Variants in RTBDN observed in about 807,000 individuals in gnomAD.
RTBDN encodes the protein retbindin.
In RTBDN, 24 loss-of-function variants were observed where a neutral mutation model predicts 21.9. That is an observed-to-expected ratio of 1.10 (90% CI 0.79 to 1.54). The LOEUF is 1.54. RTBDN is among the 40% of genes most tolerant of loss of function. RTBDN has a pLI of 0.00. For missense variants in RTBDN, 325 were observed against 315.2 expected (o/e 1.03, Z -0.23); for synonymous variants, 141 against 125.9 (o/e 1.12, Z -0.80).
chr19:12,834,412 T>C lies in RTBDN; in HGVS notation c.-19+77A>G. On this transcript the variant is annotated intron_variant, in intron 1 of 5. Coordinates refer to ENST00000674343, the MANE Select transcript of RTBDN (RefSeq NM_001270441.2). This position sits in a 1 kb window ranked among gnomAD's most constrained non-coding sequence, Gnocchi z 4.7. Reference sequence around the variant, plus strand: ...CGGCGCCGCTGGAGGCGTAAACATGTTTGTGCGGCAACCTCGCCCCTCACC... The same window carrying C: ...CGGCGCCGCTGGAGGCGTAAACATGCTTGTGCGGCAACCTCGCCCCTCACC... 8.6e-7 allele frequency: 1 copy of C among 1,163,520 alleles called. No homozygotes were observed. 72.1% of individuals were successfully genotyped at this position (1,163,520 alleles called of 1,614,324 possible).
intron 4 of RTBDN, among the ~76,000 whole-genome samples, chr19:12,828,371 A>G (rs1568396868): frequency 6.6e-6 from 1 of 151,768 alleles, no homozygotes; most frequent in South Asian, 2.1e-4. Context: ...ACTCCAGCCT[A>G]GGTGACACAG....
chr19:12,834,596 C>G (rs1319205546), upstream of RTBDN: 4 of 1,515,630 alleles, frequency 2.6e-6, no homozygotes, highest in African/African-American at 5.5e-5. This position sits in a 1 kb window ranked among gnomAD's most constrained non-coding sequence, Gnocchi z 4.7. Context: ...CCCCCCACCG[C>G]GATCCTCAAG....
chr19:12,834,811 C>T, upstream of RTBDN: 1 of 1,614,212 alleles, frequency 6.2e-7, no homozygotes, highest in South Asian at 1.1e-5. The surrounding 1 kb of genome is among the most constrained non-coding windows in gnomAD (Gnocchi z 4.7). Context: ...GATTCTGTAG[C>T]CGAGAAGCGT....
In RTBDN at chr19:12,830,557, C is replaced by T. The variant is rs572681262; in HGVS notation, c.-18-560G>A. ...AAAGCCCCGAGGCAGGGACAGCTAG[C>T]GGTCTGTGGAGACAAGACTGTCCCC... On this transcript the variant is annotated intron_variant, in intron 1 of 5. Transcript: ENST00000674343. This position sits in a 1 kb window ranked among gnomAD's most constrained non-coding sequence, Gnocchi z 4.2. The T allele has an allele frequency of 3.0e-6, 3 of 984,342 alleles. No homozygotes were observed. The highest frequency in any genetic ancestry group is 1.7e-5 in the African/African-American group (1 of 57,326). The allele number at this position is 984,342 out of a possible 1,614,324, so 61.0% of individuals were successfully genotyped here.
intron 5 of RTBDN, chr19:12,826,510 A>G (rs1400846406): frequency 1.2e-6 from 1 of 824,454 alleles, no homozygotes; most frequent in East Asian, 4.7e-5. Context: ...CCTGGCCAAC[A>G]TGGTGAAACG....
At chr19:12,831,062 G>A (rs1255236451) in intron 1 of RTBDN, among the ~76,000 whole-genome samples, 8 of 144,666 alleles carry the variant, frequency 5.5e-5, no homozygotes, top group Non-Finnish European at 9.1e-5. Flanking sequence ...GTGTGTATAC[G>A]TTCAGAATCT....
Position 12,825,950 on chromosome 19 carries a change from T to C in RTBDN, c.463-17A>G. On this transcript the variant is annotated splice_polypyrimidine_tract_variant and intron_variant, in intron 5 of 5. Coordinates refer to ENST00000674343, the MANE Select transcript of RTBDN (RefSeq NM_001270441.2). ...TGCGAAGGTCTAGGAAAAAGTGGAG[T>C]TAAGGCCCTAGTGGGCGGAGTCCAG... 6.4e-7 allele frequency: 1 copy of C among 1,556,548 alleles called. No individual in the cohort carries two copies. Among genetic ancestry groups the C allele is most frequent in the Non-Finnish European group, 8.7e-7 (1 of 1,147,922 alleles).
At chr19:12,826,031 G>T in intron 5 of RTBDN, 98 bp from the exon 6 acceptor site, 1 of 1,440,742 alleles carries the variant, frequency 6.9e-7, no homozygotes, top group Non-Finnish European at 9.1e-7. Context: ...CTTAGGGATT[G>T]GGGTCAGAGC....
upstream of RTBDN, chr19:12,834,869 C>T (rs755090310): frequency 6.2e-7 from 1 of 1,613,720 alleles, no homozygotes; most frequent in Non-Finnish European, 8.5e-7. The surrounding 1 kb of genome is among the most constrained non-coding windows in gnomAD (Gnocchi z 4.7). Flanking sequence ...TACGGAAGTT[C>T]AGGGTTAATA....
chr19:12,832,167 GT>G (rs918410145), intron 1 of RTBDN, among the ~76,000 whole-genome samples: 2 of 152,184 alleles, frequency 1.3e-5, no homozygotes, highest in African/African-American at 4.8e-5. Flanking sequence ...TCGAATAAAT[GT>G]TTGTGTGTCT....
chr19:12,833,040 A>C (rs1274031637), intron 1 of RTBDN: 1 of 152,190 alleles, frequency 6.6e-6, no homozygotes, highest in Non-Finnish European at 1.5e-5. Flanking sequence ...CCCCTCTCCA[A>C]CTACCAGCTA....
chr19:12,828,578 G>A (rs1313837204), intron 4 of RTBDN, 79 bp downstream of exon 4: 4 of 1,117,174 alleles, frequency 3.6e-6, no homozygotes, highest in Non-Finnish European at 5.1e-6. Context: ...CCTTTACACA[G>A]AAGGCCAAGC....
upstream of RTBDN, chr19:12,834,785 C>T (rs141214276): frequency 8.9e-5 from 144 of 1,614,204 alleles, no homozygotes; most frequent in Middle Eastern, 3.3e-4. The surrounding 1 kb of genome is among the most constrained non-coding windows in gnomAD (Gnocchi z 4.7). Flanking sequence ...GAGCTCCTAC[C>T]TCCAAGGTGG....
At chr19:12,835,039 C>T (rs774854798), upstream of RTBDN, 3 of 1,602,942 alleles carry the variant, frequency 1.9e-6, no homozygotes, top group African/African-American at 4.0e-5. Context: ...ACTCAGGCTC[C>T]ATCCCCAGCC....
rs371302867 is a variant in RTBDN at position 12,834,129 on chromosome 19, C to T, written c.-19+360G>A. ...GACGCCCCCACCCATAGGTTCGGGA[C>T]GCTAACCGCGGGGAACGCTGTGGCC... On this transcript the variant is annotated intron_variant, in intron 1 of 5. Transcript: ENST00000674343. The surrounding 1 kb of genome is among the most constrained non-coding windows in gnomAD (Gnocchi z 4.7). The T allele has an allele frequency of 2.5e-6, 1 of 401,224 alleles. No homozygotes were observed. The highest frequency in any genetic ancestry group is 3.6e-5 in the East Asian group (1 of 28,068). The allele number at this position is 401,224 out of a possible 1,614,324, so 24.9% of individuals were successfully genotyped here.
chr19:12,829,941 C>A lies in RTBDN; in HGVS notation c.39G>T (p.Thr13=). The part of the protein sequence containing the change: ...CRVHMRPIGL[T]WVLQLTLAWI... The stretch of plus-strand genomic sequence containing the variant: ...ATGCCAAGGTCAGTTGCAGCACCCA[C>A]GTCAGGCCGATGGGTCGCATGTGGA... The change falls in exon 2 of 6, where the codon ACG becomes ACT. Residue 13 remains threonine, a synonymous_variant. Coordinates refer to ENST00000674343, the MANE Select transcript of RTBDN (RefSeq NM_001270441.2). The A allele has an allele frequency of 1.9e-6, 3 of 1,614,092 alleles. No individual in the cohort carries two copies. Among genetic ancestry groups the A allele is most frequent in the Non-Finnish European group, 2.5e-6 (3 of 1,179,960 alleles).
rs1486586455 is a variant in RTBDN, at chr19:12,825,860, C to T, written c.536G>A (p.Arg179His). The change falls in exon 6 of 6, where the codon CGT becomes CAT. Residue 179 changes from arginine to histidine, a missense_variant. Coordinates refer to ENST00000674343, the MANE Select transcript of RTBDN (RefSeq NM_001270441.2). ...GGAGATGGAGATGTTGAAGCAGTGA[C>T]GGGCTCCAGGAGCAGCCACCGGTAG... ...HALPVAAPGA[R>H]HCFNISISAV... 1 of 1,613,364 alleles carries T rather than the reference C, an allele frequency of 6.2e-7. No homozygotes were observed.
chr19:12,828,825 A>G, intron 3 of RTBDN, 44 bp downstream of exon 3: 1 of 1,613,962 alleles, frequency 6.2e-7, no homozygotes, highest in Non-Finnish European at 8.5e-7. Flanking sequence ...TTCCTGGGCA[A>G]TGGGCAAAGT....
intron 4 of RTBDN, 168 bp from the exon 5 acceptor site, chr19:12,827,039 C>T: frequency 1.6e-6 from 1 of 616,856 alleles, no homozygotes; most frequent in Non-Finnish European, 2.9e-6. Context: ...TTCACCCTGC[C>T]CCATATTCTA....
Sources: gnomAD v4.1 joint callset for allele counts (sites outside exome capture counted in the v4.1 genomes callset) on GRCh38, gnomAD v4.1.1 for gene constraint, Gnocchi (gnomAD v3.1) non-coding constraint, MANE v1.5 for transcripts, NCBI Gene and HGNC (gene_info 2026-07-23, HGNC 2026-07-21) for gene names.